Variants in C1orf87 observed in about 807,000 individuals in gnomAD.
C1orf87 encodes the protein uncharacterized protein C1orf87.
A neutral mutation model predicts 60.5 loss-of-function variants in C1orf87; 58 were observed. That is an observed-to-expected ratio of 0.96 (90% confidence interval 0.78 to 1.19). C1orf87 has a LOEUF of 1.19. C1orf87 is among the 50% of genes most tolerant of loss of function. The probability of loss-of-function intolerance (pLI) is 0.00; values close to 1 mark genes in which losing one functional copy is unlikely to be tolerated. For synonymous variants in C1orf87, 236 were observed against 227.4 expected, an observed-to-expected ratio of 1.04 and a Z score of -0.34; for missense variants, 673 against 638.6, an observed-to-expected ratio of 1.05 and a Z score of -0.58.
chr1:60,062,136 C>G (rs1411272535), intron 2 of C1orf87, among the ~76,000 whole-genome samples: 1 of 152,150 alleles, frequency 6.6e-6, no homozygotes, highest in African/African-American at 2.4e-5. Context: ...CGGTAACATT[C>G]CCCTCCTCTC....
chr1:60,033,404 C>T, intron 7 of C1orf87, 72 bp downstream of exon 7: 1 of 1,430,038 alleles, frequency 7.0e-7, no homozygotes, highest in Admixed American at 1.8e-5. Flanking sequence ...AGCCCTGTGC[C>T]TTATTGCTAT....
At chr1:60,027,948 G>C (rs1294113456) in intron 7 of C1orf87, among the ~76,000 whole-genome samples, 2 of 152,176 alleles carry the variant, frequency 1.3e-5, no homozygotes, top group Admixed American at 1.3e-4. Context: ...CTACAAGGTG[G>C]TGGCTTACTC....
chr1:60,061,592 C>T (rs1574328281), intron 2 of C1orf87, among the ~76,000 whole-genome samples: 1 of 151,564 alleles, frequency 6.6e-6, no homozygotes, highest in East Asian at 1.9e-4. Flanking sequence ...CACCTATATC[C>T]TCACCATCCT....
chr1:60,011,049 T>G (rs1011982738), intron 8 of C1orf87: 2 of 151,926 alleles, frequency 1.3e-5, no homozygotes, highest in Admixed American at 1.3e-4. Flanking sequence ...CTTTCTAGCC[T>G]TCACAAGTAT....
rs115328934 is a variant in C1orf87 at position 60,071,089 on chromosome 1, T to C, written c.107+1448A>G. ...AAAATAATCGCTTACCATATCACAG[T>C]GTCTTAGTTTCCTCATCTACAAAAC... is the stretch of plus-strand genomic sequence containing the variant. On this transcript the variant is annotated intron_variant, in intron 2 of 11. Coordinates refer to ENST00000371201, the MANE Select transcript of C1orf87 (RefSeq NM_152377.3). Among the ~76,000 whole-genome samples, 441 of 152,294 alleles carry C rather than the reference T, an allele frequency of 2.9e-3. 1 individual carries two copies. The highest frequency in any genetic ancestry group is 0.01 in the African/African-American group (418 of 41,560).
chr1:60,059,476 C>G (rs749570318), intron 2 of C1orf87, among the ~76,000 whole-genome samples: 5 of 152,148 alleles, frequency 3.3e-5, no homozygotes, highest in Non-Finnish European at 7.3e-5. Context: ...CAGTCGTTCC[C>G]TCTCTCACCG....
chr1:60,049,961 C>G (rs1645401990), intron 3 of C1orf87, among the ~76,000 whole-genome samples: 1 of 151,974 alleles, frequency 6.6e-6, no homozygotes, highest in African/African-American at 2.4e-5. Context: ...TTTCATTGGT[C>G]TTTCATGTAT....
chr1:60,013,198 G>T (rs776695374), intron 8 of C1orf87, among the ~76,000 whole-genome samples: 4 of 151,838 alleles, frequency 2.6e-5, no homozygotes, highest in Non-Finnish European at 5.9e-5. Context: ...TCTTTAGTTG[G>T]GACTTCCGTT....
Position 60,001,166 on chromosome 1 carries a change from A to G in C1orf87, c.1193-10T>C. 6.5e-7 allele frequency: 1 copy of G among 1,537,364 alleles called. No homozygotes were observed. Among genetic ancestry groups the G allele is most frequent in the Non-Finnish European group, 8.7e-7 (1 of 1,148,960 alleles). On this transcript the variant is annotated splice_polypyrimidine_tract_variant and intron_variant, in intron 9 of 11. Transcript: ENST00000371201. ...TTCTTTTCATTCTTCCCTGAACAAGAATAAAAAAAAAAAAAGGAAGGGTTT... is the reference window on the plus strand; with the variant it reads ...TTCTTTTCATTCTTCCCTGAACAAGGATAAAAAAAAAAAAAGGAAGGGTTT...
Position 59,990,596 on chromosome 1 carries a change from TTAGGC to T in C1orf87, c.*72_*76del. 6.5e-7 allele frequency: 1 copy of T among 1,545,840 alleles called. No homozygotes were observed. The highest frequency in any genetic ancestry group is 8.8e-7 in the Non-Finnish European group (1 of 1,133,926). On this transcript the variant is annotated 3_prime_UTR_variant, in exon 12 of 12. Coordinates refer to ENST00000371201, the MANE Select transcript of C1orf87 (RefSeq NM_152377.3). ...TCTGACAATGCCTCCGCCACTACAC[TTAGGC>T]TGGGGAGAAACATGTGTCTGGGTAA...
At chr1:60,037,938 C>T (rs1645289481) in intron 6 of C1orf87, 54 bp downstream of exon 6, 4 of 1,205,594 alleles carry the variant, frequency 3.3e-6, no homozygotes, top group Non-Finnish European at 4.8e-6. Context: ...TATAGCAGCC[C>T]ACACAGACTA....
chr1:60,018,024 T>G (rs575595255), intron 8 of C1orf87, among the ~76,000 whole-genome samples: 1 of 152,324 alleles, frequency 6.6e-6, no homozygotes, highest in African/African-American at 2.4e-5. Flanking sequence ...TTATTGATTC[T>G]AAAGGACATT....
intron 2 of C1orf87, among the ~76,000 whole-genome samples, chr1:60,056,746 T>G (rs1469026143): frequency 1.3e-5 from 2 of 152,188 alleles, no homozygotes; most frequent in Non-Finnish European, 2.9e-5. Flanking sequence ...TGTTCTAAAT[T>G]TTCTACATAG....
intron 7 of C1orf87, among the ~76,000 whole-genome samples, chr1:60,032,007 C>T (rs79262576): frequency 4.2e-4 from 49 of 115,556 alleles, no homozygotes; most frequent in Admixed American, 1.5e-3. Flanking sequence ...CACACACATA[C>T]ACACACACAC....
intron 3 of C1orf87, among the ~76,000 whole-genome samples, chr1:60,051,993 A>T (rs1428992926): frequency 6.6e-6 from 1 of 152,180 alleles, no homozygotes; most frequent in South Asian, 2.1e-4. Context: ...TCTAAATCTG[A>T]GCTGCAAATG....
At chr1:60,013,063 A>ATAAT (rs1199977880) in intron 8 of C1orf87, among the ~76,000 whole-genome samples, 2 of 152,044 alleles carry the variant, frequency 1.3e-5, no homozygotes, top group African/African-American at 4.8e-5. Flanking sequence ...GGATCCCTGA[A>ATAAT]TAATTGCCTT....
rs1645265560 is a variant in C1orf87, at chr1:60,034,994, TAATAATA to T, written c.864-1360_864-1354del. Among the ~76,000 whole-genome samples, 2 of 152,250 alleles carry T rather than the reference TAATAATA, an allele frequency of 1.3e-5. 1 individual carries two copies. Among genetic ancestry groups the T allele is most frequent in the South Asian group, 4.2e-4 (2 of 4,814 alleles). ...CCAAATTATACTATTCTGAACTACTTAATAATATATAATATTTTCCAAAAGTTTGGTA... is the reference window on the plus strand; with the variant it reads ...CCAAATTATACTATTCTGAACTACTTTATAATATTTTCCAAAAGTTTGGTA... On this transcript the variant is annotated intron_variant, in intron 6 of 11. Transcript: ENST00000371201.
intron 8 of C1orf87, among the ~76,000 whole-genome samples, chr1:60,017,894 G>C (rs761497214): frequency 1.1e-4 from 17 of 152,202 alleles, no homozygotes; most frequent in South Asian, 2.1e-4. Context: ...TTTGTAACAG[G>C]GTTTGTGAAA....
chr1:59,999,760 A>G (rs1405944443), intron 10 of C1orf87, among the ~76,000 whole-genome samples: 1 of 152,074 alleles, frequency 6.6e-6, no homozygotes, highest in Non-Finnish European at 1.5e-5. Context: ...AGTCCTATAT[A>G]CATATCTTCT....
Sources: allele counts gnomAD v4.1 joint callset (sites outside exome capture counted in the v4.1 genomes callset), GRCh38; gene constraint gnomAD v4.1.1; transcripts MANE v1.5; gene names NCBI Gene and HGNC (gene_info 2026-07-23, HGNC 2026-07-21).